Variants in PCDHA12 observed in about 807,000 individuals in gnomAD.
The protein encoded by PCDHA12 is protocadherin alpha-12.
In PCDHA12, 44 loss-of-function variants were observed where a neutral mutation model predicts 60.0. The observed-to-expected ratio is 0.73, with a 90% CI of 0.58 to 0.94. The LOEUF (loss-of-function observed/expected upper bound fraction) is 0.94, where lower values mean the gene tolerates loss of function less well. Ranked by LOEUF, PCDHA12 falls within the 40% of genes least tolerant of loss-of-function variation. The pLI, the probability that PCDHA12 is intolerant of heterozygous loss-of-function variation, is 0.00. For missense variants in PCDHA12, 1,276 were observed against 1,239.7 expected (o/e 1.03, Z -0.44); for synonymous variants, 569 against 553.0 (o/e 1.03, Z -0.40).
At chr5:140,905,958 G>T (rs1554192269) in intron 1 of PCDHA12, among the ~76,000 whole-genome samples, 1 of 152,184 alleles carries the variant, frequency 6.6e-6, no homozygotes, top group Non-Finnish European at 1.5e-5. Context: ...GATGTTCAAG[G>T]GGAGGAAGAT....
At chr5:140,898,371 G>A (rs13156913) in intron 1 of PCDHA12, among the ~76,000 whole-genome samples, 3 of 152,142 alleles carry the variant, frequency 2.0e-5, no homozygotes, top group African/African-American at 7.2e-5. Flanking sequence ...TTTGTATAAG[G>A]TGTAAGGAAG....
intron 1 of PCDHA12, among the ~76,000 whole-genome samples, chr5:140,977,031 G>A (rs1554238180): frequency 6.6e-6 from 1 of 152,192 alleles, no homozygotes; most frequent in Admixed American, 6.5e-5. Context: ...ATGAATCTAA[G>A]AAGGATGTTG....
At position 140,876,570 on chromosome 5, in the gene PCDHA12, T is replaced by A. The variant is rs782551095; in HGVS notation, c.1098T>A (p.Gly366=). 5.7e-5 allele frequency: 92 copies of A among 1,614,172 alleles called. No individual in the cohort carries two copies. In the East Asian group the frequency reaches 2.0e-3, roughly 35 times the overall value. Residue 366 remains glycine, a synonymous_variant, in exon 1 of 4, where the codon GGT becomes GGA. Coordinates refer to ENST00000398631, the MANE Select transcript of PCDHA12 (RefSeq NM_018903.4). The stretch of plus-strand genomic sequence containing the variant: ...CTGTGCAAGAGGATGCTCAGGTGGG[T>A]ACCGTCATTGCCCTGATTAGCGTGT... ...SLPVQEDAQV[G]TVIALISVSD... is the part of the protein sequence containing the mutation.
intron 1 of PCDHA12, among the ~76,000 whole-genome samples, chr5:140,919,585 G>A (rs2079204849): frequency 6.6e-6 from 1 of 151,898 alleles, no homozygotes; most frequent in African/African-American, 2.4e-5. Flanking sequence ...ATGTAACATG[G>A]TAATTTTTAA....
chr5:140,994,102 A>G (rs2097596379), intron 3 of PCDHA12, among the ~76,000 whole-genome samples: 1 of 152,194 alleles, frequency 6.6e-6, no homozygotes, highest in African/African-American at 2.4e-5. Context: ...TGATGGAAAT[A>G]TTACATTGTC....
At chr5:140,978,694 G>A (rs1184051557) in intron 1 of PCDHA12, among the ~76,000 whole-genome samples, 1 of 152,258 alleles carries the variant, frequency 6.6e-6, no homozygotes, top group African/African-American at 2.4e-5. Context: ...GCAAGGCAAA[G>A]CCAAAGGTGG....
rs1489888830 is a variant in PCDHA12, at chr5:140,987,480, A to G, written c.2515+4917A>G. ...TGTTAAGAGCTCAAGCTTGGGAGTC[A>G]GTGACCCTTTCTGAATTCTACCTCT... is the stretch of plus-strand genomic sequence containing the variant. On this transcript the variant is annotated intron_variant, in intron 3 of 3. Coordinates refer to ENST00000398631, the MANE Select transcript of PCDHA12 (RefSeq NM_018903.4). Among the ~76,000 whole-genome samples, 6 of 152,310 alleles carry G rather than the reference A, an allele frequency of 3.9e-5. No homozygotes were observed. The South Asian group carries it at 1.2e-3, about 32-fold the overall frequency.
At chr5:140,987,560 G>A (rs2097259227) in intron 3 of PCDHA12, among the ~76,000 whole-genome samples, 36 of 152,130 alleles carry the variant, frequency 2.4e-4, no homozygotes, top group Admixed American at 2.4e-3. Flanking sequence ...CTGATTCTCA[G>A]TTTCTTTCTC....
intron 1 of PCDHA12, chr5:140,927,699 G>A (rs155361): frequency 0.52 from 840,731 of 1,613,754 alleles, 221,277 homozygotes; most frequent in African/African-American, 0.71. Context: ...GGGAAGTCCA[G>A]TACTCCCTAA....
chr5:140,945,887 A>G (rs1291923718), intron 1 of PCDHA12, among the ~76,000 whole-genome samples: 2 of 152,132 alleles, frequency 1.3e-5, no homozygotes, highest in Admixed American at 1.3e-4. Flanking sequence ...AACAAAGAAA[A>G]CACAGTGGGA....
intron 1 of PCDHA12, among the ~76,000 whole-genome samples, chr5:140,941,230 T>C (rs536346214): frequency 7.3e-6 from 1 of 137,584 alleles, no homozygotes; most frequent in African/African-American, 2.9e-5. Context: ...TTTCTTTCTT[T>C]CTTTCTTTCT....
At chr5:140,944,439 G>A (rs1022400391) in intron 1 of PCDHA12, among the ~76,000 whole-genome samples, 7 of 152,022 alleles carry the variant, frequency 4.6e-5, no homozygotes, top group African/African-American at 1.2e-4. Context: ...TGCCTGCCTC[G>A]GCCTCCCAAA....
intron 1 of PCDHA12, among the ~76,000 whole-genome samples, chr5:140,953,010 G>C (rs116014174): frequency 0.016 from 2,468 of 152,152 alleles, 61 homozygotes; most frequent in African/African-American, 0.055. Flanking sequence ...ACTATTATGA[G>C]AACAACATTA....
intron 3 of PCDHA12, 104 bp from the exon 4 acceptor site, chr5:141,009,523 G>A: frequency 6.7e-7 from 1 of 1,502,140 alleles, no homozygotes; most frequent in Non-Finnish European, 8.9e-7. Flanking sequence ...GATTTTTCTG[G>A]GGAGGTTCAG....
At chr5:140,961,384 A>G (rs568973458) in intron 1 of PCDHA12, among the ~76,000 whole-genome samples, 44 of 152,302 alleles carry the variant, frequency 2.9e-4, no homozygotes, top group Non-Finnish European at 5.7e-4. Flanking sequence ...AGTTTGAACT[A>G]TTCCATTAGT....
rs1285443769 is a variant in PCDHA12, at chr5:141,010,273, G to A, written c.*336G>A. 3.9e-6 allele frequency: 6 copies of A among 1,551,420 alleles called. No individual in the cohort carries two copies. The African/African-American group carries it at 8.2e-5, about 21-fold the overall frequency. Reference sequence around the variant, plus strand: ...CTCTGCCCTGTGCTCCGGGGATCCTGTCTTGATGACACTTGCAGGGCAGGC... The same window carrying A: ...CTCTGCCCTGTGCTCCGGGGATCCTATCTTGATGACACTTGCAGGGCAGGC... On this transcript the variant is annotated 3_prime_UTR_variant, in exon 4 of 4. Coordinates refer to ENST00000398631, the MANE Select transcript of PCDHA12 (RefSeq NM_018903.4).
At chr5:140,968,187 A>G in intron 1 of PCDHA12, 3 of 1,614,064 alleles carry the variant, frequency 1.9e-6, no homozygotes, top group Non-Finnish European at 2.5e-6. Context: ...GAGGACTCCT[A>G]TTCCATCTAC....
At position 140,875,879 on chromosome 5, in the gene PCDHA12, G is replaced by A; in HGVS notation, c.407G>A (p.Arg136Lys). ...GACAACCCGCCGGTGTTCAGAGAAA[G>A]GGAACAAAAGGTACCTGTTTCTGAA... is the stretch of plus-strand genomic sequence containing the variant. ...INDNPPVFRE[R>K]EQKVPVSESA... The change falls in exon 1 of 4, where the codon AGG becomes AAG. Residue 136 changes from arginine to lysine, a missense_variant. Physicochemically the swap from Arg to Lys is conservative, Grantham distance 26 (BLOSUM62 2). Transcript: ENST00000398631. 6.2e-7 allele frequency: 1 copy of A among 1,614,214 alleles called. No homozygotes were observed.
chr5:141,002,019 T>G (rs1420727822), intron 3 of PCDHA12, among the ~76,000 whole-genome samples: 4 of 152,176 alleles, frequency 2.6e-5, no homozygotes, highest in Admixed American at 6.5e-5. Flanking sequence ...CTGCACAGCC[T>G]TCGGTGCCCT....
Sources: gnomAD v4.1 joint callset for allele counts (sites outside exome capture counted in the v4.1 genomes callset) on GRCh38, gnomAD v4.1.1 for gene constraint, MANE v1.5 for transcripts, NCBI Gene and HGNC (gene_info 2026-07-23, HGNC 2026-07-21) for gene names.